Variants in PARN observed in about 807,000 individuals in gnomAD.
PARN encodes poly(A)-specific ribonuclease.
PARN carries 71 observed loss-of-function variants against 102.8 expected under a neutral mutation model. The observed-to-expected ratio is 0.69, with a 90% confidence interval of 0.57 to 0.84. PARN has a LOEUF of 0.84. Among genes scored for constraint, PARN ranks in the 40% least tolerant of loss-of-function variants. The pLI is 0.00. For synonymous variants in PARN, 261 were observed against 252.9 expected, an observed-to-expected ratio of 1.03 and a Z score of -0.30; for missense variants, 782 against 760.9, an observed-to-expected ratio of 1.03 and a Z score of -0.33.
In PARN at chr16:14,606,521, G is replaced by A. The variant is rs770353163; in HGVS notation, c.665C>T (p.Pro222Leu). Reference sequence around the variant, plus strand: ...TAAAGTCTCAACATGAATGCCTTTCGGATACCTAAAGAAAAGAAAAACATA... The same window carrying A: ...TAAAGTCTCAACATGAATGCCTTTCAGATACCTAAAGAAAAGAAAAACATA... ...LIYQTLSWKY[P>L]KGIHVETLET... Residue 222 changes from proline to leucine, a missense_variant, in exon 10 of 24, where the codon CCG becomes CTG. Coordinates refer to ENST00000437198, the MANE Select transcript of PARN (RefSeq NM_002582.4). 79 of 1,566,006 alleles carry A rather than the reference G, an allele frequency of 5.0e-5. No individual in the cohort carries two copies. The highest frequency in any genetic ancestry group is 6.6e-5 in the Non-Finnish European group (76 of 1,146,164).
chr16:14,481,730 T>C (rs535072278), intron 22 of PARN, among the ~76,000 whole-genome samples: 2 of 152,334 alleles, frequency 1.3e-5, no homozygotes, highest in African/African-American at 4.8e-5. Context: ...TTATGGCTAA[T>C]TTTTTTCTCT....
chr16:14,597,642 C>A (rs765461195), intron 12 of PARN, among the ~76,000 whole-genome samples: 27 of 151,382 alleles, frequency 1.8e-4, no homozygotes, highest in Non-Finnish European at 3.2e-4. Flanking sequence ...GCTTGCAGTA[C>A]GCCAAGATCG....
intron 21 of PARN, among the ~76,000 whole-genome samples, chr16:14,520,876 A>G (rs1246581121): frequency 6.6e-6 from 1 of 152,170 alleles, no homozygotes; most frequent in Non-Finnish European, 1.5e-5. Context: ...ACTTGTCACT[A>G]TATTCTTCTT....
intron 21 of PARN, among the ~76,000 whole-genome samples, chr16:14,506,254 C>T (rs1290755389): frequency 2.0e-5 from 3 of 152,142 alleles, no homozygotes; most frequent in African/African-American, 7.2e-5. Context: ...GGCTGGGGAA[C>T]TATTCCAGAT....
intron 21 of PARN, among the ~76,000 whole-genome samples, chr16:14,489,630 C>T (rs778476854): frequency 1.3e-5 from 2 of 152,014 alleles, no homozygotes; most frequent in African/African-American, 2.4e-5. Flanking sequence ...GGTGTAAATG[C>T]GTACTGCAAC....
chr16:14,524,837 T>C (rs899749033), intron 21 of PARN, among the ~76,000 whole-genome samples: 1 of 152,252 alleles, frequency 6.6e-6, no homozygotes, highest in African/African-American at 2.4e-5. Flanking sequence ...TAAATCTTTC[T>C]ATTACCAGGC....
At chr16:14,529,218 A>T (rs917021129) in intron 21 of PARN, among the ~76,000 whole-genome samples, 1 of 152,344 alleles carries the variant, frequency 6.6e-6, no homozygotes, top group South Asian at 2.1e-4. Flanking sequence ...CCGAATGCTA[A>T]GTCTGTCCAC....
rs558223802 is a variant in PARN, at chr16:14,553,517, C to T, written c.1405+548G>A. On this transcript the variant is annotated intron_variant, in intron 20 of 23. Transcript: ENST00000437198. ...TCCAAAGAGAATAGCTTAAATGCTTCGTTTGTTAAAATAAGAGGCATTGCT... is the reference window on the plus strand; with the variant it reads ...TCCAAAGAGAATAGCTTAAATGCTTTGTTTGTTAAAATAAGAGGCATTGCT... Among the ~76,000 whole-genome samples, 12 of 152,298 alleles carry T rather than the reference C, an allele frequency of 7.9e-5. No homozygotes were observed. The East Asian group carries it at 1.2e-3, about 15-fold the overall frequency.
intron 10 of PARN, among the ~76,000 whole-genome samples, chr16:14,605,429 T>C (rs768482531): frequency 6.6e-6 from 1 of 152,202 alleles, no homozygotes; most frequent in Admixed American, 6.5e-5. Flanking sequence ...ACATTTCCTA[T>C]GACAAATACT....
intron 21 of PARN, chr16:14,501,444 A>G (rs1964598049): frequency 8.0e-6 from 1 of 124,226 alleles, no homozygotes; most frequent in African/African-American, 3.7e-5. Flanking sequence ...CCAAAAAAAA[A>G]AAAAAAAAAA....
chr16:14,572,498 A>AG (rs1860933645), intron 18 of PARN, among the ~76,000 whole-genome samples: 1 of 152,232 alleles, frequency 6.6e-6, no homozygotes, highest in South Asian at 2.1e-4. Context: ...ATGGAGAAAA[A>AG]GGGAAAACAC....
At chr16:14,613,703 C>T (rs776580889) in intron 6 of PARN, among the ~76,000 whole-genome samples, 8 of 152,124 alleles carry the variant, frequency 5.3e-5, no homozygotes, top group East Asian at 1.9e-4. Context: ...CATCAGTCAA[C>T]GATAATTGCT....
intron 18 of PARN, among the ~76,000 whole-genome samples, chr16:14,563,885 G>GA (rs575959006): frequency 4.0e-5 from 6 of 150,218 alleles, no homozygotes; most frequent in South Asian, 2.1e-4. Flanking sequence ...GTTTTAAAAA[G>GA]AAAAAAAAAT....
At chr16:14,612,692 G>A (rs1971590502) in intron 6 of PARN, among the ~76,000 whole-genome samples, 1 of 151,762 alleles carries the variant, frequency 6.6e-6, no homozygotes, top group Admixed American at 6.6e-5. Flanking sequence ...CCACCTCTCG[G>A]GTTCAGGCAA....
chr16:14,465,048 T>A (rs746620906), intron 22 of PARN, among the ~76,000 whole-genome samples: 1 of 152,162 alleles, frequency 6.6e-6, no homozygotes, highest in Non-Finnish European at 1.5e-5. Flanking sequence ...CATGGGTAAA[T>A]AGATAAGATT....
At chr16:14,480,824 G>A (rs555377673) in intron 22 of PARN, among the ~76,000 whole-genome samples, 65 of 152,030 alleles carry the variant, frequency 4.3e-4, no homozygotes, top group Non-Finnish European at 6.6e-4. Flanking sequence ...ATCTGTAGTC[G>A]CAGCTTCTCG....
chr16:14,519,645 G>C (rs146787258), intron 21 of PARN, among the ~76,000 whole-genome samples: 1 of 152,150 alleles, frequency 6.6e-6, no homozygotes, highest in Non-Finnish European at 1.5e-5. Flanking sequence ...ATTAGTAAGG[G>C]TCAAAACTGT....
chr16:14,467,533 C>G (rs573182254), intron 22 of PARN, among the ~76,000 whole-genome samples: 1 of 152,180 alleles, frequency 6.6e-6, no homozygotes, highest in East Asian at 1.9e-4. Context: ...TTCTCTTTAT[C>G]AAATAGATGA....
intron 22 of PARN, among the ~76,000 whole-genome samples, chr16:14,480,086 A>G (rs1963297507): frequency 1.3e-5 from 2 of 152,196 alleles, no homozygotes; most frequent in African/African-American, 4.8e-5. Context: ...TAATCCAAGC[A>G]CTTTGGGAGG....
Sources: allele counts gnomAD v4.1 joint callset (sites outside exome capture counted in the v4.1 genomes callset), GRCh38; gene constraint gnomAD v4.1.1; transcripts MANE v1.5; gene names NCBI Gene and HGNC (gene_info 2026-07-23, HGNC 2026-07-21).